Variants in ZNF114 observed in about 807,000 individuals in gnomAD.
ZNF114 encodes the protein zinc finger protein 114 (Y18).
Under a neutral mutation model 6.8 loss-of-function variants are expected in ZNF114, and 8 were observed. The ratio of observed to expected loss-of-function variants is 1.18; its 90% CI spans 0.69 to 2.13. The LOEUF is 2.13. Among genes scored for constraint, ZNF114 ranks in the 30% most tolerant of loss-of-function variants. ZNF114 has a pLI of 0.00. For missense variants in ZNF114, 472 were observed against 519.5 expected, an observed-to-expected ratio of 0.91 and a Z score of 0.89; for synonymous variants, 169 against 185.5, an observed-to-expected ratio of 0.91 and a Z score of 0.72.
At chr19:48,271,971 C>G (rs1473390276) in intron 3 of ZNF114, 143 bp downstream of exon 3, 1 of 152,286 alleles carries the variant, frequency 6.6e-6, no homozygotes, top group Non-Finnish European at 1.5e-5. Flanking sequence ...GTTCAGACCC[C>G]GAGCGCGCCC....
intron 5 of ZNF114, among the ~76,000 whole-genome samples, chr19:48,284,969 A>C (rs1209215594): frequency 6.6e-6 from 1 of 152,094 alleles, no homozygotes; most frequent in Non-Finnish European, 1.5e-5. Context: ...CAAAAAAATA[A>C]AAATTTCACA....
chr19:48,279,617 G>A, intron 3 of ZNF114, 114 bp from the exon 4 acceptor site: 1 of 682,162 alleles, frequency 1.5e-6, no homozygotes, highest in Non-Finnish European at 2.5e-6. Context: ...GCTGTGGTGG[G>A]GAAGTGTGTG....
chr19:48,286,720 T>G lies in ZNF114; in HGVS notation c.1096T>G (p.Cys366Gly), dbSNP rs999965221. 6.2e-7 allele frequency: 1 copy of G among 1,613,666 alleles called. No homozygotes were observed. Among genetic ancestry groups the G allele is most frequent in the Admixed American group, 1.7e-5 (1 of 59,902 alleles). Residue 366 changes from cysteine to glycine, a missense_variant, in exon 6 of 6, where the codon TGT becomes GGT. By Grantham distance (159) the Cys-to-Gly change is radical. Transcript: ENST00000595607. ...GAAGAAGCCCTACGAATGTGAAGAA[T>G]GTGGGAAAGTCATTCGGGAGTCCTC... is the stretch of plus-strand genomic sequence containing the variant. ...VQKKPYECEECGKVIRESSKY... is the reference protein window; with the variant it reads ...VQKKPYECEEGGKVIRESSKY...
intron 1 of ZNF114, among the ~76,000 whole-genome samples, chr19:48,270,776 AAAG>A (rs1206020027): frequency 6.6e-6 from 1 of 151,842 alleles, no homozygotes; most frequent in Non-Finnish European, 1.5e-5. Context: ...AGAAAGAAAG[AAAG>A]AAAGAAAAGA....
At chr19:48,285,236 G>T (rs1436763133) in intron 5 of ZNF114, among the ~76,000 whole-genome samples, 2 of 152,162 alleles carry the variant, frequency 1.3e-5, no homozygotes, top group Non-Finnish European at 2.9e-5. Context: ...GTTGGCTCAT[G>T]CCTGTAATCC....
At position 48,286,243 on chromosome 19, in the gene ZNF114, G is replaced by T. The variant is rs1968125123; in HGVS notation, c.619G>T (p.Val207Leu). Residue 207 changes from valine to leucine, a missense_variant, in exon 6 of 6, where the codon GTG (valine) becomes TTG (leucine). Transcript: ENST00000595607. ...CACATGGACTGGCAGTCAGAACACT[G>T]TGCATCATATACGTGATGAAATTGA... ...SSTWTGSQNT[V>L]HHIRDEIDTG... 1 of 1,614,098 alleles carries T rather than the reference G, an allele frequency of 6.2e-7. No homozygotes were observed. The highest frequency in any genetic ancestry group is 1.3e-5 in the African/African-American group (1 of 74,920).
At chr19:48,279,610 G>C in intron 3 of ZNF114, 121 bp from the exon 4 acceptor site, 1 of 649,238 alleles carries the variant, frequency 1.5e-6, no homozygotes, top group South Asian at 1.7e-5. Context: ...GTTGTGGGCT[G>C]TGGTGGGGAA....
intron 1 of ZNF114, among the ~76,000 whole-genome samples, chr19:48,270,845 G>T (rs151205765): frequency 6.6e-6 from 1 of 152,040 alleles, no homozygotes; most frequent in Admixed American, 6.5e-5. Flanking sequence ...TTGGGAGGCC[G>T]AGGCGGGCGG....
intron 3 of ZNF114, among the ~76,000 whole-genome samples, chr19:48,277,374 T>C (rs1376348158): frequency 2.0e-5 from 3 of 152,064 alleles, no homozygotes; most frequent in Admixed American, 6.6e-5. Context: ...AAAATGAATA[T>C]GTAGCTGGAA....
rs1968129575 is a variant in ZNF114 at position 48,286,359 on chromosome 19, G to A, written c.735G>A (p.Glu245=). 6.2e-7 allele frequency: 1 copy of A among 1,614,168 alleles called. No individual in the cohort carries two copies. The highest frequency in any genetic ancestry group is 8.5e-7 in the Non-Finnish European group (1 of 1,180,038). The change falls in exon 6 of 6, where the codon GAG becomes GAA. Residue 245 remains glutamate, a synonymous_variant. Transcript: ENST00000595607. ...GGGCACACAACACTCATGGTCGAGA[G>A]AAAATGTATGATTTTACTCAGTGCG... ...SLRAHNTHGR[E]KMYDFTQCEN... is the part of the protein sequence containing the mutation.
intron 3 of ZNF114, among the ~76,000 whole-genome samples, chr19:48,273,111 G>A (rs1028092597): frequency 6.6e-6 from 1 of 152,134 alleles, no homozygotes; most frequent in Non-Finnish European, 1.5e-5. Context: ...AGAGCTTTGA[G>A]GGTTTGAGTT....
At chr19:48,271,917 T>C (rs1368490209) in intron 3 of ZNF114, 89 bp downstream of exon 3, 1 of 152,274 alleles carries the variant, frequency 6.6e-6, no homozygotes, top group East Asian at 1.9e-4. Flanking sequence ...CCTCATTGTC[T>C]CTACCCTTCC....
intron 3 of ZNF114, among the ~76,000 whole-genome samples, chr19:48,273,608 G>T (rs994206552): frequency 6.6e-6 from 1 of 151,860 alleles, no homozygotes; most frequent in South Asian, 2.1e-4. Flanking sequence ...TTATCATCAG[G>T]TGTGGCTGTT....
intron 3 of ZNF114, among the ~76,000 whole-genome samples, chr19:48,272,193 C>T (rs1466091053): frequency 6.6e-6 from 1 of 151,976 alleles, no homozygotes. Flanking sequence ...GGCGGATCAC[C>T]TGAGGTCAGG....
At chr19:48,282,278 G>A (rs1463716390) in intron 4 of ZNF114, 93 bp from the exon 5 acceptor site, 14 of 1,552,300 alleles carry the variant, frequency 9.0e-6, no homozygotes, top group Middle Eastern at 1.7e-4. Flanking sequence ...CAAGGGTTAA[G>A]ACCTCAACCT....
intron 4 of ZNF114, among the ~76,000 whole-genome samples, chr19:48,280,470 C>T (rs1417725345): frequency 6.6e-6 from 1 of 151,578 alleles, no homozygotes; most frequent in Non-Finnish European, 1.5e-5. Context: ...GTTTATGGAG[C>T]GGGCAGTGGC....
At position 48,286,032 on chromosome 19, in the gene ZNF114, C is replaced by T; in HGVS notation, c.408C>T (p.Cys136=). 1 of 1,614,018 alleles carries T rather than the reference C, an allele frequency of 6.2e-7. No individual in the cohort carries two copies. The highest frequency in any genetic ancestry group is 8.5e-7 in the Non-Finnish European group (1 of 1,180,038). The part of the protein sequence containing the change: ...HEMRNHSKPT[C]RLVPSQGDSI... ...TGAGGAACCACTCTAAACCTACCTGCAGGCTTGTGCCTTCACAGGGAGATT... is the reference window on the plus strand; with the variant it reads ...TGAGGAACCACTCTAAACCTACCTGTAGGCTTGTGCCTTCACAGGGAGATT... The change falls in exon 6 of 6, where the codon TGC becomes TGT. Residue 136 remains cysteine, a synonymous_variant. Coordinates refer to ENST00000595607, the MANE Select transcript of ZNF114 (RefSeq NM_153608.4).
chr19:48,277,794 G>GGT (rs749201884), intron 3 of ZNF114, among the ~76,000 whole-genome samples: 2,322 of 119,386 alleles, frequency 0.019, 78 homozygotes, highest in Middle Eastern at 0.023. Flanking sequence ...GGAGGCATTG[G>GGT]GTGTGTGTGT....
intron 4 of ZNF114, 169 bp from the exon 5 acceptor site, chr19:48,282,202 C>A: frequency 2.2e-6 from 2 of 916,608 alleles, no homozygotes; most frequent in Non-Finnish European, 3.2e-6. Flanking sequence ...CCGGCCACAA[C>A]CTCATCTTAA....
Sources: allele counts gnomAD v4.1 joint callset (sites outside exome capture counted in the v4.1 genomes callset), GRCh38; gene constraint gnomAD v4.1.1; transcripts MANE v1.5; gene names NCBI Gene and HGNC (gene_info 2026-07-23, HGNC 2026-07-21).